The following TSC1 variants were observed in gnomAD, a reference collection of about 807,000 sequenced individuals.
The protein encoded by TSC1 is TSC complex subunit 1, also known as hamartin.
A neutral mutation model predicts 124.3 loss-of-function variants in TSC1; 20 were observed. That is an observed-to-expected ratio of 0.16 (90% CI 0.11 to 0.23). The LOEUF is 0.23. TSC1 is among the 10% of genes least tolerant of loss of function. The pLI is 1.00. For missense variants in TSC1, 1,124 were observed against 1,448.5 expected (o/e 0.78, Z 3.64); for synonymous variants, 493 against 539.1 (o/e 0.91, Z 1.19).
At position 132,897,057 on chromosome 9, in the gene TSC1, C is replaced by A. The variant is rs113469460; in HGVS notation, c.2975+127G>T. On this transcript the variant is annotated intron_variant, in intron 22 of 22. Transcript: ENST00000298552. ...AAGGAACGTCAGAGTGGGTCTCTGACACGGAGTGAGCTGAGTGTTGCAGCC... is the reference window on the plus strand; with the variant it reads ...AAGGAACGTCAGAGTGGGTCTCTGAAACGGAGTGAGCTGAGTGTTGCAGCC... 4,165 of 1,481,284 alleles carry A rather than the reference C, an allele frequency of 2.8e-3. 60 individuals carry two copies. The African/African-American group carries it at 0.037, about 13-fold the overall frequency. The allele number at this position is 1,481,284 out of a possible 1,614,324, so 91.8% of individuals were successfully genotyped here.
chr9:132,892,792 C>T lies in TSC1; in HGVS notation c.*3443G>A, dbSNP rs1306751355. ...TTCTGCTGGCTACATGAAACGCATA[C>T]CCAGTTTTCTATTCTTAACAGTGAG... On this transcript the variant is annotated 3_prime_UTR_variant, in exon 23 of 23. Coordinates refer to ENST00000298552, the MANE Select transcript of TSC1 (RefSeq NM_000368.5). The T allele has an allele frequency of 8.6e-6, 2 of 233,152 alleles. No individual in the cohort carries two copies. The highest frequency in any genetic ancestry group is 1.7e-5 in the Non-Finnish European group (2 of 118,078). The allele number at this position is 233,152 out of a possible 1,614,324, so 14.4% of individuals were successfully genotyped here. A position where few individuals can be genotyped will look rare whatever the true frequency, so the allele number is the denominator to read the frequency against.
Position 132,896,040 on chromosome 9 carries a change from G to A in TSC1, c.*195C>T. On this transcript the variant is annotated 3_prime_UTR_variant, in exon 23 of 23. Transcript: ENST00000298552. This position sits in a 1 kb window ranked among gnomAD's most constrained non-coding sequence, Gnocchi z 4.5. ...GAGAGGGGGTTAGGGCGGGTGGAGG[G>A]GAAGGTCAAGAGGCATTTCAATGCC... The A allele has an allele frequency of 1.4e-6, 1 of 734,594 alleles. No individual in the cohort carries two copies. Among genetic ancestry groups the A allele is most frequent in the Non-Finnish European group, 2.3e-6 (1 of 429,574 alleles). The allele number at this position is 734,594 out of a possible 1,614,324, so 45.5% of individuals were successfully genotyped here. A position where few individuals can be genotyped will look rare whatever the true frequency, so the allele number is the denominator to read the frequency against.
At position 132,905,696 on chromosome 9, in the gene TSC1, A is replaced by G. The variant is rs375534013; in HGVS notation, c.1882T>C (p.Leu628=). Residue 628 remains leucine (L), a synonymous_variant, in exon 15 of 23, where the codon TTA becomes CTA. Transcript: ENST00000298552. ...HFVIRKTEEL[L]KKAKGNTEED... is the part of the protein sequence containing the mutation. ...TCTGTGTTTCCTTTTGCTTTCTTTA[A>G]CAGCTCCTCAGTCTTCCTGATGACA... 45 of 1,614,024 alleles carry G rather than the reference A, an allele frequency of 2.8e-5. No individual in the cohort carries two copies. The highest frequency in any genetic ancestry group is 3.5e-5 in the Non-Finnish European group (41 of 1,180,046).
At position 132,906,548 on chromosome 9, in the gene TSC1, C is replaced by CAAA. The variant is rs11349075; in HGVS notation, c.1438+180_1438+182dup. 439 of 414,128 alleles carry CAAA rather than the reference C, an allele frequency of 1.1e-3. No homozygotes were observed. Among genetic ancestry groups the CAAA allele is most frequent in the Middle Eastern group, 3.4e-3 (5 of 1,490 alleles). 25.7% of individuals were successfully genotyped at this position (414,128 alleles called of 1,614,324 possible). The stretch of plus-strand genomic sequence containing the variant: ...AGGGTGACAGAGCAAGACCCTGTCT[C>CAAA]AAAAAAAAAAAAAAAAAAAGTGGCA... On this transcript the variant is annotated intron_variant, in intron 14 of 22. Transcript: ENST00000298552. This position sits in a 1 kb window ranked among gnomAD's most constrained non-coding sequence, Gnocchi z 4.1.
chr9:132,908,556 C>A (rs1409967165), intron 12 of TSC1, among the ~76,000 whole-genome samples: 1 of 151,512 alleles, frequency 6.6e-6, no homozygotes, highest in Non-Finnish European at 1.5e-5. Flanking sequence ...GGGCTCAAGC[C>A]GTTCTCCATC....
rs1309988622 is a variant in TSC1, at chr9:132,912,182, C to A, written c.913+100G>T. The A allele has an allele frequency of 6.2e-6, 9 of 1,458,662 alleles. No homozygotes were observed. The East Asian group carries it at 1.8e-4, about 30-fold the overall frequency. 90.4% of individuals were successfully genotyped at this position (1,458,662 alleles called of 1,614,324 possible). A position where few individuals can be genotyped will look rare whatever the true frequency, so the allele number is the denominator to read the frequency against. ...ATATTTTGGGAAAAATCCCTAGGAACTGAACTAAGTCTTACTCCAGAAAAG... is the reference window on the plus strand; with the variant it reads ...ATATTTTGGGAAAAATCCCTAGGAAATGAACTAAGTCTTACTCCAGAAAAG... On this transcript the variant is annotated intron_variant, in intron 9 of 22. Coordinates refer to ENST00000298552, the MANE Select transcript of TSC1 (RefSeq NM_000368.5).
In TSC1 at chr9:132,928,912, G is replaced by T; in HGVS notation, c.-40C>A. ...GCGCTGTGCTGGCTCCAGGACGTGT[G>T]CTACAGGTTCTGAAGGTTCTTCATT... On this transcript the variant is annotated 5_prime_UTR_variant, in exon 3 of 23. Transcript: ENST00000298552. 6.2e-7 allele frequency: 1 copy of T among 1,612,578 alleles called. No homozygotes were observed. Among genetic ancestry groups the T allele is most frequent in the Non-Finnish European group, 8.5e-7 (1 of 1,179,626 alleles).
Position 132,903,522 on chromosome 9 carries a change from GC to G in TSC1, c.2208+128del. The G allele has an allele frequency of 7.4e-7, 1 of 1,348,052 alleles. No homozygotes were observed. 83.5% of individuals were successfully genotyped at this position (1,348,052 alleles called of 1,614,324 possible). On this transcript the variant is annotated intron_variant, in intron 17 of 22. Transcript: ENST00000298552. This position sits in a 1 kb window ranked among gnomAD's most constrained non-coding sequence, Gnocchi z 5.9. Reference sequence around the variant, plus strand: ...GTCACCATTCATGTCTTAATCTCAAGCGACCTGCCCAAAGGAGTGGGAAGGA... The same window carrying G: ...GTCACCATTCATGTCTTAATCTCAAGGACCTGCCCAAAGGAGTGGGAAGGA...
chr9:132,909,414 G>T (rs1845830852), intron 12 of TSC1, among the ~76,000 whole-genome samples: 1 of 152,182 alleles, frequency 6.6e-6, no homozygotes, highest in African/African-American at 2.4e-5. Flanking sequence ...TCAAGTTCAT[G>T]GTAGTATATA....
intron 2 of TSC1, among the ~76,000 whole-genome samples, chr9:132,930,220 A>C (rs72619325): frequency 0.031 from 4,668 of 152,252 alleles, 249 homozygotes; most frequent in East Asian, 0.26. Flanking sequence ...GTAATTCTTA[A>C]AGTGAGACAC....
rs1057522817 is a variant in TSC1 at position 132,905,767 on chromosome 9, T to C, written c.1811A>G (p.Tyr604Cys). ...VGFGSGQPPP[Y>C]DHLFEVALPK... ...CAATGCCACCTCAAAAAGATGATCA[T>C]ACGGGGGAGGCTGCCCGCTTCCAAA... The change falls in exon 15 of 23, where the codon TAT becomes TGT. Residue 604 changes from tyrosine (Y) to cysteine (C), a missense_variant. This residue lies in a region of TSC1 where 321 missense variants were observed against 397.4 expected (regional missense o/e 0.81). Transcript: ENST00000298552. The C allele has an allele frequency of 2.5e-6, 4 of 1,614,068 alleles. No homozygotes were observed. Among genetic ancestry groups the C allele is most frequent in the Non-Finnish European group, 2.5e-6 (3 of 1,180,034 alleles).
rs752054698 is a variant in TSC1 at position 132,903,748 on chromosome 9, T to A, written c.2111A>T (p.Tyr704Phe). 1.2e-6 allele frequency: 2 copies of A among 1,613,618 alleles called. No homozygotes were observed. The highest frequency in any genetic ancestry group is 1.7e-6 in the Non-Finnish European group (2 of 1,180,008). ...ATGCTGCTGCCTCTTAAAACGCTCA[T>A]AGAGTAACTGGTTGTGCAGTAAAAG... ...QLLLLHNQLL[Y>F]ERFKRQQHAL... Residue 704 changes from tyrosine to phenylalanine, a missense_variant, in exon 17 of 23, where the codon TAT becomes TTT. Transcript: ENST00000298552. This position sits in a 1 kb window ranked among gnomAD's most constrained non-coding sequence, Gnocchi z 5.9.
At chr9:132,897,401 A>T in intron 21 of TSC1, 22 bp downstream of exon 21, 1 of 1,614,204 alleles carries the variant, frequency 6.2e-7, no homozygotes, top group Non-Finnish European at 8.5e-7. Context: ...AAAACACAAA[A>T]GCCTTTCCTG....
At chr9:132,940,794 G>C (rs1040029531) in intron 1 of TSC1, 4 of 152,242 alleles carry the variant, frequency 2.6e-5, no homozygotes, top group African/African-American at 9.6e-5. Flanking sequence ...ATGGATTGCT[G>C]GGTACATAAT....
chr9:132,919,162 A>C (rs1846411321), intron 8 of TSC1, among the ~76,000 whole-genome samples: 1 of 152,244 alleles, frequency 6.6e-6, no homozygotes, highest in Non-Finnish European at 1.5e-5. Context: ...TTGTGTATCT[A>C]GACATATCTG....
chr9:132,900,853 G>A lies in TSC1; in HGVS notation c.2503-16C>T. 1 of 1,613,862 alleles carries A rather than the reference G, an allele frequency of 6.2e-7. No homozygotes were observed. The highest frequency in any genetic ancestry group is 1.1e-5 in the South Asian group (1 of 91,056). On this transcript the variant is annotated splice_polypyrimidine_tract_variant and intron_variant, in intron 19 of 22. Transcript: ENST00000298552. ...TGTTTGAGAGCTAACCAAAAAACAT[G>A]AGCAAAGTGAAAAATCCGACGACAT...
At position 132,902,928 on chromosome 9, in the gene TSC1, T is replaced by C; in HGVS notation, c.2209-141A>G. Reference sequence around the variant, plus strand: ...ACAGACCAAAACTCTTAGAGCTCACTACTGTCTTACTTGGCCTTAGGTCAA... The same window carrying C: ...ACAGACCAAAACTCTTAGAGCTCACCACTGTCTTACTTGGCCTTAGGTCAA... On this transcript the variant is annotated intron_variant, in intron 17 of 22. Coordinates refer to ENST00000298552, the MANE Select transcript of TSC1 (RefSeq NM_000368.5). This position sits in a 1 kb window ranked among gnomAD's most constrained non-coding sequence, Gnocchi z 5.2. The C allele has an allele frequency of 9.3e-7, 1 of 1,076,222 alleles. No individual in the cohort carries two copies. Among genetic ancestry groups the C allele is most frequent in the Non-Finnish European group, 1.4e-6 (1 of 717,968 alleles). The allele number at this position is 1,076,222 out of a possible 1,614,324, so 66.7% of individuals were successfully genotyped here. A position where few individuals can be genotyped will look rare whatever the true frequency, so the allele number is the denominator to read the frequency against.
chr9:132,929,017 C>T (rs1847053492), intron 2 of TSC1, 65 bp from the exon 3 acceptor site: 2 of 1,418,964 alleles, frequency 1.4e-6, no homozygotes, highest in Non-Finnish European at 1.9e-6. Flanking sequence ...AAAGAAAATA[C>T]CTGCAAGACA....
rs1342423160 is a variant in TSC1, at chr9:132,921,560, T to C, written c.664-124A>G. Reference sequence around the variant, plus strand: ...TACATGTTATAACACAGATGGAACCTTGAGAACATTATACTGAGTGAAAGA... The same window carrying C: ...TACATGTTATAACACAGATGGAACCCTGAGAACATTATACTGAGTGAAAGA... On this transcript the variant is annotated intron_variant, in intron 7 of 22. Transcript: ENST00000298552. The surrounding 1 kb of genome is among the most constrained non-coding windows in gnomAD (Gnocchi z 4.3). The C allele has an allele frequency of 2.6e-6, 3 of 1,174,414 alleles. No homozygotes were observed. The highest frequency in any genetic ancestry group is 3.0e-5 in the African/African-American group (2 of 65,634). 72.7% of individuals were successfully genotyped at this position (1,174,414 alleles called of 1,614,324 possible). A position where few individuals can be genotyped will look rare whatever the true frequency, so the allele number is the denominator to read the frequency against.
Sources: allele counts gnomAD v4.1 joint callset (sites outside exome capture counted in the v4.1 genomes callset), GRCh38; gene constraint gnomAD v4.1.1; regional missense constraint gnomAD v4.1.1; non-coding constraint Gnocchi (gnomAD v3.1); transcripts MANE v1.5; gene names NCBI Gene and HGNC (gene_info 2026-07-23, HGNC 2026-07-21).